The following RELN variants were observed in gnomAD, a reference collection of about 807,000 sequenced individuals.
The protein encoded by RELN is reelin.
A neutral mutation model predicts 427.6 loss-of-function variants in RELN; 108 were observed. The ratio of observed to expected loss-of-function variants is 0.25; its 90% CI spans 0.22 to 0.30. The LOEUF (loss-of-function observed/expected upper bound fraction) is 0.30, where lower values mean the gene tolerates loss of function less well. Ranked by LOEUF, RELN falls within the 10% of genes least tolerant of loss-of-function variation. The probability of loss-of-function intolerance (pLI) is 1.00; values close to 1 mark genes in which losing one functional copy is unlikely to be tolerated. For synonymous variants in RELN, 1,524 were observed against 1,513.4 expected, an observed-to-expected ratio of 1.01 and a Z score of -0.16; for missense variants, 3,715 against 4,302.8, an observed-to-expected ratio of 0.86 and a Z score of 3.82.
chr7:103,506,101 CTA>C (rs1485626058), intron 51 of RELN, among the ~76,000 whole-genome samples: 3 of 152,172 alleles, frequency 2.0e-5, no homozygotes, highest in Non-Finnish European at 4.4e-5. Flanking sequence ...AAGACCAAAT[CTA>C]TGTTTCATCA....
At chr7:103,528,717 C>T (rs535371763) in intron 46 of RELN, among the ~76,000 whole-genome samples, 24 of 151,414 alleles carry the variant, frequency 1.6e-4, no homozygotes, top group African/African-American at 2.4e-4. Context: ...TTAGTAGAGA[C>T]GGGGTTTCAC....
intron 1 of RELN, among the ~76,000 whole-genome samples, chr7:103,951,780 C>T (rs1392282173): frequency 6.6e-6 from 1 of 151,908 alleles, no homozygotes; most frequent in African/African-American, 2.4e-5. Flanking sequence ...TCAAGCAATT[C>T]TTGTGCCTCA....
intron 8 of RELN, among the ~76,000 whole-genome samples, chr7:103,710,301 C>G (rs1211467152): frequency 1.3e-5 from 2 of 152,190 alleles, no homozygotes; most frequent in African/African-American, 2.4e-5. Context: ...GTGGACCTAA[C>G]TGCTTTTGGG....
intron 52 of RELN, among the ~76,000 whole-genome samples, chr7:103,502,347 T>A (rs1005158885): frequency 6.6e-6 from 1 of 152,260 alleles, no homozygotes; most frequent in Non-Finnish European, 1.5e-5. Flanking sequence ...TTCACAAGAT[T>A]TGTTTAGTCA....
At chr7:103,734,346 TA>T (rs1370497305) in intron 6 of RELN, among the ~76,000 whole-genome samples, 2 of 137,402 alleles carry the variant, frequency 1.5e-5, no homozygotes, top group East Asian at 1.9e-4. Context: ...ATAGTAAAAG[TA>T]ATACTAAATG....
At chr7:103,699,578 C>T (rs1834048991) in intron 9 of RELN, among the ~76,000 whole-genome samples, 1 of 151,970 alleles carries the variant, frequency 6.6e-6, no homozygotes, top group African/African-American at 2.4e-5. Flanking sequence ...TTTCATTGTT[C>T]ATCATATCAA....
At chr7:103,803,115 G>A (rs762891343) in intron 3 of RELN, among the ~76,000 whole-genome samples, 1 of 152,080 alleles carries the variant, frequency 6.6e-6, no homozygotes, top group Non-Finnish European at 1.5e-5. Context: ...TGTGGGCCAA[G>A]AATAAGCTCC....
chr7:103,695,341 T>C (rs1435415274), intron 10 of RELN, among the ~76,000 whole-genome samples: 2 of 152,092 alleles, frequency 1.3e-5, no homozygotes, highest in South Asian at 4.1e-4. Context: ...CAGAGAAAAA[T>C]TTCTACTTAA....
At chr7:103,710,240 C>T (rs1456006600) in intron 8 of RELN, among the ~76,000 whole-genome samples, 1 of 152,178 alleles carries the variant, frequency 6.6e-6, no homozygotes, top group East Asian at 1.9e-4. Context: ...ATCCTGTCTC[C>T]ATTTGGACTA....
At chr7:103,619,993 G>A (rs1832181048) in intron 20 of RELN, among the ~76,000 whole-genome samples, 1 of 152,084 alleles carries the variant, frequency 6.6e-6, no homozygotes, top group Non-Finnish European at 1.5e-5. Context: ...TCCTGCTTCT[G>A]TCCACTACTT....
At chr7:103,979,959 C>T (rs530540360) in intron 1 of RELN, among the ~76,000 whole-genome samples, 10 of 152,128 alleles carry the variant, frequency 6.6e-5, no homozygotes, top group African/African-American at 2.2e-4. Context: ...GTCGGGAGTG[C>T]GAGACCAACC....
At position 103,498,139 on chromosome 7, in the gene RELN, G is replaced by A; in HGVS notation, c.8781C>T (p.Leu2927=). The A allele has an allele frequency of 6.2e-7, 1 of 1,614,092 alleles. No individual in the cohort carries two copies. Among genetic ancestry groups the A allele is most frequent in the East Asian group, 2.2e-5 (1 of 44,870 alleles). The change falls in exon 54 of 65, where the codon CTC becomes CTT. Residue 2927 remains leucine (L), a synonymous_variant. Transcript: ENST00000428762. ...ECGILAEDTA[L]YFGGSTVRQA... is the part of the protein sequence containing the mutation. ...GTCTCACAGTGGATCCCCCAAAATA[G>A]AGTGCAGTGTCCTCGGCAAGAATTC...
intron 3 of RELN, among the ~76,000 whole-genome samples, chr7:103,811,467 T>A (rs570163647): frequency 1.2e-4 from 19 of 152,292 alleles, no homozygotes; most frequent in African/African-American, 4.6e-4. Flanking sequence ...ATCCCTCATA[T>A]CAAAAACTAC....
At chr7:103,479,653 A>G (rs1285958521) in intron 63 of RELN, among the ~76,000 whole-genome samples, 2 of 152,166 alleles carry the variant, frequency 1.3e-5, no homozygotes, top group Middle Eastern at 3.2e-3. Flanking sequence ...GTCATTCTGT[A>G]TGTCCATATT....
rs958885694 is a variant in RELN, at chr7:103,656,458, C to T, written c.1442-2253G>A. ...CTGTTACTAGAGTTTCTAGCTGAGC[C>T]AGGGAAGGAGAGAGTTTAGCACACA... On this transcript the variant is annotated intron_variant, in intron 12 of 64. Coordinates refer to ENST00000428762, the MANE Select transcript of RELN (RefSeq NM_005045.4). 4.0e-5 allele frequency among the ~76,000 whole-genome samples: 6 copies of T among 148,862 alleles called. No homozygotes were observed. In the South Asian group the frequency reaches 6.3e-4, roughly 16 times the overall value.
chr7:103,588,588 T>C (rs2245617), intron 28 of RELN, among the ~76,000 whole-genome samples: 124,444 of 152,148 alleles, frequency 0.82, 51,513 homozygotes, highest in African/African-American at 0.95. Context: ...ATATTTCACA[T>C]GTACTCTGAC....
rs570807790 is a variant in RELN at position 103,483,726 on chromosome 7, T to C, written c.10108A>G (p.Thr3370Ala). The C allele has an allele frequency of 6.1e-5, 98 of 1,614,192 alleles. No homozygotes were observed. In the East Asian group the frequency reaches 2.1e-3, roughly 34 times the overall value. The change falls in exon 62 of 65, where the codon ACC becomes GCC. Residue 3370 changes from threonine (T) to alanine (A), a missense_variant. By Grantham distance (58) the Thr-to-Ala change is moderately conservative (BLOSUM62 0). Coordinates refer to ENST00000428762, the MANE Select transcript of RELN (RefSeq NM_005045.4). The stretch of plus-strand genomic sequence containing the variant: ...TGGTGCTGGGCGATGACATGCCAGG[T>C]GATCCCGTTGTTGACGCTGTATTGC... ...LLQYSVNNGI[T>A]WHVIAQHQPK...
At chr7:103,553,314 G>C (rs1830452425) in intron 40 of RELN, 147 bp downstream of exon 40, 3 of 659,288 alleles carry the variant, frequency 4.6e-6, no homozygotes, top group African/African-American at 3.6e-5. Context: ...CTGTTAATAA[G>C]AGAAAATTAT....
At chr7:103,855,535 T>G (rs760775242) in intron 2 of RELN, among the ~76,000 whole-genome samples, 2 of 152,230 alleles carry the variant, frequency 1.3e-5, no homozygotes, top group Non-Finnish European at 2.9e-5. Context: ...GATTCTATTA[T>G]TAAGAAGAGA....
Sources: allele counts gnomAD v4.1 joint callset (sites outside exome capture counted in the v4.1 genomes callset), GRCh38; gene constraint gnomAD v4.1.1; transcripts MANE v1.5; gene names NCBI Gene and HGNC (gene_info 2026-07-23, HGNC 2026-07-21).